Variants in COL22A1 observed in about 807,000 individuals in gnomAD.
The protein encoded by COL22A1 is collagen alpha-1(XXII) chain.
COL22A1 carries 221 observed loss-of-function variants against 248.9 expected under a neutral mutation model. The ratio of observed to expected loss-of-function variants is 0.89; its 90% CI spans 0.80 to 0.99. The LOEUF is 0.99. Ranked by LOEUF, COL22A1 falls within the 50% of genes least tolerant of loss-of-function variation. COL22A1 has a pLI of 0.00. For missense variants in COL22A1, 2,240 were observed against 2,179.0 expected (o/e 1.03, Z -0.56); for synonymous variants, 891 against 793.4 (o/e 1.12, Z -2.07).
chr8:138,802,887 T>C lies in COL22A1; in HGVS notation c.1542A>G (p.Gly514=). 6.2e-7 allele frequency: 1 copy of C among 1,613,670 alleles called. No homozygotes were observed. Among genetic ancestry groups the C allele is most frequent in the Non-Finnish European group, 8.5e-7 (1 of 1,179,640 alleles). Residue 514 remains glycine (G), a synonymous_variant, in exon 11 of 65, where the codon GGA becomes GGG. Transcript: ENST00000303045. The part of the protein sequence containing the change: ...IGPVGAPGPK[G]EKGDVGIGPF... ...ATCTACTCACCACATCACCTTTCTC[T>C]CCCTTAGGTCCAGGAGCGCCAACCG...
intron 30 of COL22A1, among the ~76,000 whole-genome samples, chr8:138,712,257 C>T (rs1025769335): frequency 2.6e-5 from 4 of 152,190 alleles, no homozygotes; most frequent in African/African-American, 9.6e-5. Context: ...ATTATGGGTC[C>T]AAGAATGGTG....
At position 138,591,588 on chromosome 8, in the gene COL22A1, C is replaced by A. The variant is rs563685181; in HGVS notation, c.4616-87G>T. The A allele has an allele frequency of 1.2e-5, 12 of 1,013,998 alleles. 1 individual carries two copies. In the East Asian group the frequency reaches 1.8e-4, roughly 15 times the overall value. The allele number at this position is 1,013,998 out of a possible 1,614,324, so 62.8% of individuals were successfully genotyped here. A position where few individuals can be genotyped will look rare whatever the true frequency, so the allele number is the denominator to read the frequency against. On this transcript the variant is annotated intron_variant, in intron 63 of 64. Transcript: ENST00000303045. ...TCCCACCTTGCGGGAGGTGCAGGGG[C>A]AGCACTGGGCTGCTGTGGCATTCCA...
At chr8:138,887,393 T>C (rs1442764419) in intron 1 of COL22A1, among the ~76,000 whole-genome samples, 1 of 152,158 alleles carries the variant, frequency 6.6e-6, no homozygotes, top group Non-Finnish European at 1.5e-5. Flanking sequence ...CTAATTTTTG[T>C]ATTTTTAGTA....
intron 35 of COL22A1, among the ~76,000 whole-genome samples, chr8:138,692,257 C>CGT (rs1215894372): frequency 0.01 from 105 of 10,482 alleles, no homozygotes; most frequent in Middle Eastern, 0.029. Flanking sequence ...CGTATGTGTG[C>CGT]GTGTGTGCAT....
In COL22A1 at chr8:138,607,205, C is replaced by A. The variant is rs112343444; in HGVS notation, c.4032+731G>T. Reference sequence around the variant, plus strand: ...CTGGTCACCGCAGTATCCGAAGTACCAAGTCCTGGTCAGCCCATTGCCCGG... The same window carrying A: ...CTGGTCACCGCAGTATCCGAAGTACAAAGTCCTGGTCAGCCCATTGCCCGG... On this transcript the variant is annotated intron_variant, in intron 57 of 64. Transcript: ENST00000303045. Among the ~76,000 whole-genome samples, 897 of 152,246 alleles carry A rather than the reference C, an allele frequency of 5.9e-3. 8 individuals are homozygous for A. Among genetic ancestry groups the A allele is most frequent in the African/African-American group, 0.02 (850 of 41,554 alleles).
intron 3 of COL22A1, among the ~76,000 whole-genome samples, chr8:138,862,279 C>T (rs541883360): frequency 1.3e-5 from 2 of 152,196 alleles, no homozygotes; most frequent in African/African-American, 2.4e-5. Context: ...CAATGGGTTG[C>T]CACTCAACTA....
intron 1 of COL22A1, among the ~76,000 whole-genome samples, chr8:138,906,657 TC>T (rs1815048689): frequency 6.7e-6 from 1 of 149,096 alleles, no homozygotes. Context: ...ACTTTCTTTT[TC>T]TTTTTTTTTT....
At chr8:138,865,777 G>A (rs1822831534) in intron 3 of COL22A1, among the ~76,000 whole-genome samples, 2 of 146,972 alleles carry the variant, frequency 1.4e-5, no homozygotes, top group African/African-American at 2.6e-5. Flanking sequence ...ATGCCTCTGA[G>A]TGTATGTTTG....
intron 54 of COL22A1, among the ~76,000 whole-genome samples, 155 bp from the exon 55 acceptor site, chr8:138,616,209 G>A (rs1456583517): frequency 6.6e-6 from 1 of 152,120 alleles, no homozygotes; most frequent in Non-Finnish European, 1.5e-5. Flanking sequence ...GAGGTCTGTG[G>A]CGGCCCTGAG....
At chr8:138,721,378 T>C (rs1829857126) in intron 26 of COL22A1, among the ~76,000 whole-genome samples, 1 of 152,246 alleles carries the variant, frequency 6.6e-6, no homozygotes, top group South Asian at 2.1e-4. Flanking sequence ...TTTGCTAAAA[T>C]ACTGGTATGG....
intron 5 of COL22A1, among the ~76,000 whole-genome samples, chr8:138,830,964 G>A (rs1398099143): frequency 6.6e-6 from 1 of 152,188 alleles, no homozygotes; most frequent in African/African-American, 2.4e-5. Context: ...TGTGTGGAGA[G>A]AGAACAACCT....
intron 47 of COL22A1, among the ~76,000 whole-genome samples, chr8:138,643,803 G>A (rs1298980986): frequency 2.0e-5 from 3 of 152,052 alleles, no homozygotes; most frequent in Non-Finnish European, 4.4e-5. Context: ...GGGTTCAAGC[G>A]ATTCTTATGC....
intron 1 of COL22A1, among the ~76,000 whole-genome samples, chr8:138,913,303 A>G (rs1815587624): frequency 6.6e-6 from 1 of 151,902 alleles, no homozygotes. Flanking sequence ...AAGCTCTCGC[A>G]TTTGACTCTC....
intron 16 of COL22A1, among the ~76,000 whole-genome samples, chr8:138,774,540 T>C (rs527267463): frequency 6.6e-5 from 10 of 150,920 alleles, no homozygotes; most frequent in African/African-American, 2.4e-4. Context: ...TGCCTCAGCC[T>C]CCCGAGTAGC....
At chr8:138,650,354 T>C (rs1822595671) in intron 45 of COL22A1, among the ~76,000 whole-genome samples, 1 of 152,174 alleles carries the variant, frequency 6.6e-6, no homozygotes, top group African/African-American at 2.4e-5. Flanking sequence ...AGGCAAGCAC[T>C]TAATCAATGT....
At chr8:138,827,025 C>T (rs1414539902) in intron 5 of COL22A1, 18 of 463,620 alleles carry the variant, frequency 3.9e-5, no homozygotes, top group Non-Finnish European at 6.4e-5. Flanking sequence ...CCCTATGGTG[C>T]GTCTGCTTCC....
intron 6 of COL22A1, among the ~76,000 whole-genome samples, chr8:138,825,138 G>C (rs1298855341): frequency 6.6e-6 from 1 of 152,182 alleles, no homozygotes; most frequent in Non-Finnish European, 1.5e-5. Flanking sequence ...TGTGCAATTG[G>C]AGATGGAGTT....
intron 23 of COL22A1, among the ~76,000 whole-genome samples, chr8:138,728,767 A>T (rs1199284009): frequency 1.3e-5 from 2 of 152,098 alleles, no homozygotes; most frequent in Non-Finnish European, 2.9e-5. Flanking sequence ...GCTGCTGCAG[A>T]TACACCTGGA....
chr8:138,892,427 T>C (rs985965262), intron 1 of COL22A1, among the ~76,000 whole-genome samples: 30 of 152,226 alleles, frequency 2.0e-4, no homozygotes, highest in African/African-American at 7.2e-4. Context: ...GCACAGGCCC[T>C]GGCATAGAGT....
Sources: gnomAD v4.1 joint callset for allele counts (sites outside exome capture counted in the v4.1 genomes callset) on GRCh38, gnomAD v4.1.1 for gene constraint, MANE v1.5 for transcripts, NCBI Gene and HGNC (gene_info 2026-07-23, HGNC 2026-07-21) for gene names.